TMCO4: variants seen among roughly 807,000 people sequenced by gnomAD.
TMCO4 encodes transmembrane and coiled-coil domain-containing protein 4.
TMCO4 carries 58 observed loss-of-function variants against 64.7 expected under a neutral mutation model. The observed-to-expected ratio is 0.90, with a 90% CI of 0.73 to 1.12. TMCO4 has a LOEUF of 1.12. Ranked by LOEUF, TMCO4 falls within the 50% of genes most tolerant of loss-of-function variation. The probability of loss-of-function intolerance (pLI) is 0.00; values close to 1 mark genes in which losing one functional copy is unlikely to be tolerated. For missense variants in TMCO4, 780 were observed against 825.9 expected, an observed-to-expected ratio of 0.94 and a Z score of 0.68; for synonymous variants, 325 against 346.1, an observed-to-expected ratio of 0.94 and a Z score of 0.68.
chr1:19,754,189 G>C (rs1036097821), intron 7 of TMCO4, among the ~76,000 whole-genome samples: 1 of 152,094 alleles, frequency 6.6e-6, no homozygotes, highest in Admixed American at 6.6e-5. Flanking sequence ...TGGGGTTACC[G>C]GTATTATCAG....
intron 4 of TMCO4, among the ~76,000 whole-genome samples, chr1:19,773,646 T>C (rs1304467880): frequency 6.6e-6 from 1 of 152,110 alleles, no homozygotes; most frequent in Non-Finnish European, 1.5e-5. Context: ...GCAGAGAGCA[T>C]CTTGGGAAAG....
chr1:19,755,378 G>C (rs982096582), intron 7 of TMCO4, among the ~76,000 whole-genome samples: 1 of 152,146 alleles, frequency 6.6e-6, no homozygotes, highest in African/African-American at 2.4e-5. Flanking sequence ...CGCCTGCAGG[G>C]TGCTGGGATT....
intron 14 of TMCO4, among the ~76,000 whole-genome samples, chr1:19,695,378 C>A (rs1420017808): frequency 2.0e-5 from 3 of 152,248 alleles, no homozygotes; most frequent in Non-Finnish European, 2.9e-5. Context: ...GCAGCTGGGC[C>A]ATCCCAGAGC....
intron 15 of TMCO4, among the ~76,000 whole-genome samples, chr1:19,688,806 C>T (rs183678466): frequency 1.8e-3 from 268 of 152,318 alleles, no homozygotes; most frequent in African/African-American, 5.9e-3. Context: ...TTGGCTACTG[C>T]GGTTATTATC....
rs1475504565 is a variant in TMCO4, at chr1:19,732,533, G to T, written c.1264+4839C>A. Among the ~76,000 whole-genome samples the T allele has an allele frequency of 6.6e-6, 1 of 152,112 alleles. No individual in the cohort carries two copies. The highest frequency in any genetic ancestry group is 2.4e-5 in the African/African-American group (1 of 41,422). ...GTCCTTTCTCACCTCCTCTCTAGAT[G>T]ATCAATGAGGCAGGGATGGGATGTT... On this transcript the variant is annotated intron_variant, in intron 13 of 15. Coordinates refer to ENST00000294543, the MANE Select transcript of TMCO4 (RefSeq NM_181719.7). This position sits in a 1 kb window ranked among gnomAD's most constrained non-coding sequence, Gnocchi z 4.8.
At chr1:19,773,020 C>T (rs2294632) in intron 4 of TMCO4, among the ~76,000 whole-genome samples, 45,836 of 151,812 alleles carry the variant, frequency 0.3, 7,097 homozygotes, top group East Asian at 0.35. Context: ...TGAAATCCCG[C>T]CTCTACTAAA....
chr1:19,689,262 G>T (rs1343610610), intron 15 of TMCO4, among the ~76,000 whole-genome samples: 1 of 152,206 alleles, frequency 6.6e-6, no homozygotes, highest in Admixed American at 6.5e-5. Context: ...TAATTACCCA[G>T]AAGAGGAAAG....
chr1:19,754,063 AT>A (rs2042139262), intron 7 of TMCO4, among the ~76,000 whole-genome samples: 1 of 152,110 alleles, frequency 6.6e-6, no homozygotes, highest in South Asian at 2.1e-4. Context: ...TATTATCCCC[AT>A]TTTACAGGTG....
intron 6 of TMCO4, among the ~76,000 whole-genome samples, chr1:19,757,358 C>G (rs989419564): frequency 6.6e-6 from 1 of 152,160 alleles, no homozygotes; most frequent in African/African-American, 2.4e-5. Context: ...TCCAGTCACT[C>G]CAGCCTCTGC....
At chr1:19,724,328 C>G (rs1345014941) in intron 13 of TMCO4, among the ~76,000 whole-genome samples, 1 of 152,148 alleles carries the variant, frequency 6.6e-6, no homozygotes, top group Non-Finnish European at 1.5e-5. Context: ...ATAAAAAGGC[C>G]AGCTTTGTGG....
In TMCO4 at chr1:19,771,398, C is replaced by T. The variant is rs1443285358; in HGVS notation, c.264G>A (p.Ala88=). The T allele has an allele frequency of 1.9e-5, 31 of 1,614,050 alleles. No homozygotes were observed. Among genetic ancestry groups the T allele is most frequent in the South Asian group, 6.6e-5 (6 of 91,088 alleles). The part of the protein sequence containing the change: ...EAVLPTMTAF[A]SGLGGEGADV... Reference sequence around the variant, plus strand: ...CTGCTCCTTCACCTCCCAGGCCGCTCGCAAAAGCAGTCATGGTTGGCAAGA... The same window carrying T: ...CTGCTCCTTCACCTCCCAGGCCGCTTGCAAAAGCAGTCATGGTTGGCAAGA... Residue 88 remains alanine (A), a synonymous_variant, in exon 5 of 16, where the codon GCG becomes GCA. Coordinates refer to ENST00000294543, the MANE Select transcript of TMCO4 (RefSeq NM_181719.7).
intron 13 of TMCO4, among the ~76,000 whole-genome samples, chr1:19,717,095 A>G (rs1394280973): frequency 2.0e-5 from 3 of 152,218 alleles, no homozygotes; most frequent in African/African-American, 7.2e-5. Flanking sequence ...CTGAGGCAGG[A>G]GAATGGCTTG....
At chr1:19,780,132 C>T (rs780296015) in intron 4 of TMCO4, among the ~76,000 whole-genome samples, 1 of 152,098 alleles carries the variant, frequency 6.6e-6, no homozygotes, top group Non-Finnish European at 1.5e-5. Context: ...TCATAAGAAG[C>T]GTGCCACCTA....
Position 19,771,370 on chromosome 1 carries a change from C to A in TMCO4, c.292G>T (p.Val98Leu), listed in dbSNP as rs1177423097. 6.2e-7 allele frequency: 1 copy of A among 1,614,200 alleles called. No homozygotes were observed. Among genetic ancestry groups the A allele is most frequent in the Non-Finnish European group, 8.5e-7 (1 of 1,180,036 alleles). ...ASGLGGEGAD[V>L]FVQILLKDPI... The stretch of plus-strand genomic sequence containing the variant: ...TCCTTCAGTAAAATTTGAACAAACA[C>A]ATCTGCTCCTTCACCTCCCAGGCCG... The change falls in exon 5 of 16, where the codon GTG becomes TTG. Residue 98 changes from valine to leucine, a missense_variant. Physicochemically the swap from Val to Leu is conservative, Grantham distance 32. Coordinates refer to ENST00000294543, the MANE Select transcript of TMCO4 (RefSeq NM_181719.7).
intron 6 of TMCO4, among the ~76,000 whole-genome samples, chr1:19,766,783 T>C (rs1312850211): frequency 6.6e-6 from 1 of 152,240 alleles, no homozygotes; most frequent in Non-Finnish European, 1.5e-5. Flanking sequence ...TCCCCATTCT[T>C]GGTCCCTGGT....
chr1:19,748,233 G>A (rs1254550444), intron 7 of TMCO4, among the ~76,000 whole-genome samples: 2 of 152,228 alleles, frequency 1.3e-5, no homozygotes, highest in South Asian at 2.1e-4. Flanking sequence ...AGTGCTCAGC[G>A]CAACTGGGGC....
intron 15 of TMCO4, among the ~76,000 whole-genome samples, chr1:19,691,442 C>A (rs933849696): frequency 3.9e-5 from 6 of 152,214 alleles, no homozygotes; most frequent in Non-Finnish European, 5.9e-5. Context: ...TTATGGACAG[C>A]AGCACCTGGT....
At chr1:19,797,397 AG>A (rs1221693056) in intron 2 of TMCO4, among the ~76,000 whole-genome samples, 1 of 152,128 alleles carries the variant, frequency 6.6e-6, no homozygotes, top group Non-Finnish European at 1.5e-5. Flanking sequence ...AAAGGGAGGC[AG>A]GGGGTAGAAG....
chr1:19,778,367 G>C (rs543953067), intron 4 of TMCO4, among the ~76,000 whole-genome samples: 8 of 151,922 alleles, frequency 5.3e-5, no homozygotes, highest in Non-Finnish European at 1.2e-4. Flanking sequence ...TCTGCCTCCC[G>C]GGTTCAAGCG....
Sources: allele counts gnomAD v4.1 joint callset (sites outside exome capture counted in the v4.1 genomes callset), GRCh38; gene constraint gnomAD v4.1.1; non-coding constraint Gnocchi (gnomAD v3.1); transcripts MANE v1.5; gene names NCBI Gene and HGNC (gene_info 2026-07-23, HGNC 2026-07-21).